The following VAT1L variants were observed in gnomAD, a reference collection of about 807,000 sequenced individuals.
VAT1L encodes putative NADPH-dependent quinone oxidoreductase VAT1L.
VAT1L carries 34 observed loss-of-function variants against 44.1 expected under a neutral mutation model. The observed-to-expected ratio is 0.77, with a 90% confidence interval of 0.59 to 1.03. The LOEUF (loss-of-function observed/expected upper bound fraction) is 1.03. Ranked by LOEUF, VAT1L falls within the 50% of genes least tolerant of loss-of-function variation. The pLI is 0.00. For synonymous variants in VAT1L, 253 were observed against 202.2 expected, an observed-to-expected ratio of 1.25 and a Z score of -2.13; for missense variants, 615 against 538.8, an observed-to-expected ratio of 1.14 and a Z score of -1.40.
chr16:77,837,407 C>T (rs1466588430), intron 3 of VAT1L, among the ~76,000 whole-genome samples: 1 of 152,148 alleles, frequency 6.6e-6, no homozygotes, highest in Non-Finnish European at 1.5e-5. Context: ...CAAGCTGCTG[C>T]ATCTATGAAA....
chr16:77,883,954 G>C (rs946715170), intron 6 of VAT1L, among the ~76,000 whole-genome samples: 1 of 152,044 alleles, frequency 6.6e-6, no homozygotes, highest in African/African-American at 2.4e-5. Context: ...ACCATTCACT[G>C]AGCCAAGTGC....
intron 7 of VAT1L, among the ~76,000 whole-genome samples, chr16:77,920,518 A>G (rs1489485355): frequency 2.0e-5 from 3 of 152,218 alleles, no homozygotes; most frequent in African/African-American, 7.2e-5. Flanking sequence ...AAGACTGAAT[A>G]TCGAAATATG....
chr16:77,928,282 A>C (rs1473304908), intron 7 of VAT1L, among the ~76,000 whole-genome samples: 2 of 152,142 alleles, frequency 1.3e-5, no homozygotes, highest in Non-Finnish European at 2.9e-5. Flanking sequence ...GTGTGTGTGG[A>C]GAATGCTAAA....
At chr16:77,855,258 C>T (rs1489065997) in intron 3 of VAT1L, among the ~76,000 whole-genome samples, 5 of 151,064 alleles carry the variant, frequency 3.3e-5, no homozygotes, top group African/African-American at 9.8e-5. Context: ...GAGAATCGCT[C>T]GAACCCGGGA....
intron 2 of VAT1L, among the ~76,000 whole-genome samples, chr16:77,822,806 G>T (rs1332426878): frequency 6.6e-6 from 1 of 152,134 alleles, no homozygotes; most frequent in Non-Finnish European, 1.5e-5. Flanking sequence ...TCTTGTTGCT[G>T]TCACGAGAGC....
intron 7 of VAT1L, among the ~76,000 whole-genome samples, chr16:77,970,111 C>T (rs2018263769): frequency 6.7e-6 from 1 of 150,026 alleles, no homozygotes. Flanking sequence ...TGACGCTTGC[C>T]AGTAATCCTA....
At chr16:77,971,473 G>A (rs2018277279) in intron 7 of VAT1L, among the ~76,000 whole-genome samples, 1 of 152,064 alleles carries the variant, frequency 6.6e-6, no homozygotes, top group South Asian at 2.1e-4. Flanking sequence ...AAGTAAGCAG[G>A]GCACAAATGA....
chr16:77,875,554 T>C (rs187720666), intron 4 of VAT1L, among the ~76,000 whole-genome samples: 93 of 152,290 alleles, frequency 6.1e-4, no homozygotes, highest in Non-Finnish European at 1.0e-3. Flanking sequence ...CCTGTATATG[T>C]TCTAAGAGTG....
Position 77,971,894 on chromosome 16 carries a change from C to A in VAT1L, c.1122C>A (p.Gly374=). 1 of 1,613,872 alleles carries A rather than the reference C, an allele frequency of 6.2e-7. No homozygotes were observed. Among genetic ancestry groups the A allele is most frequent in the Non-Finnish European group, 8.5e-7 (1 of 1,179,878 alleles). The change falls in exon 8 of 9, where the codon GGC becomes GGA. Residue 374 remains glycine, a synonymous_variant. Coordinates refer to ENST00000302536, the MANE Select transcript of VAT1L (RefSeq NM_020927.3). ...GGATTCACGACCGAGGGAACATTGG[C>A]AAGTTAATTCTGGATGTAGAAAAGA... The part of the protein sequence containing the change: ...MQRIHDRGNI[G]KLILDVEKTP...
At chr16:77,889,500 C>G (rs1244771332) in intron 7 of VAT1L, among the ~76,000 whole-genome samples, 2 of 152,082 alleles carry the variant, frequency 1.3e-5, no homozygotes, top group East Asian at 1.9e-4. Context: ...TGTGCTAATC[C>G]TCTTTTAGGA....
At chr16:77,934,439 A>G (rs192774259) in intron 7 of VAT1L, among the ~76,000 whole-genome samples, 4 of 152,256 alleles carry the variant, frequency 2.6e-5, no homozygotes, top group Admixed American at 2.6e-4. Context: ...CAAGGAATGC[A>G]AGCAGAATCC....
chr16:77,882,362 T>C (rs1269729784), intron 6 of VAT1L: 1 of 152,232 alleles, frequency 6.6e-6, no homozygotes, highest in East Asian at 1.9e-4. Flanking sequence ...ATGATACTAA[T>C]AGAAGAAGTT....
At chr16:77,814,018 A>C (rs1026176922) in intron 1 of VAT1L, among the ~76,000 whole-genome samples, 1 of 152,294 alleles carries the variant, frequency 6.6e-6, no homozygotes, top group East Asian at 1.9e-4. Flanking sequence ...TCAGATCCTG[A>C]CTTTGACACT....
Position 77,930,093 on chromosome 16 carries a change from C to A in VAT1L, c.1078-41757C>A, listed in dbSNP as rs561266086. Among the ~76,000 whole-genome samples the A allele has an allele frequency of 3.3e-5, 5 of 152,326 alleles. No individual in the cohort carries two copies. The East Asian group carries it at 7.7e-4, about 24-fold the overall frequency. ...CTTTTAGAAGGACCTACCTTCCAGC[C>A]CAAACTTCGTATCCTTCTTGAAACA... On this transcript the variant is annotated intron_variant, in intron 7 of 8. Coordinates refer to ENST00000302536, the MANE Select transcript of VAT1L (RefSeq NM_020927.3).
chr16:77,908,436 G>C (rs8057343), intron 7 of VAT1L, among the ~76,000 whole-genome samples: 110,596 of 131,620 alleles, frequency 0.84, 46,704 homozygotes, highest in South Asian at 0.96. Flanking sequence ...TGCCCTCCAG[G>C]CTGGGGGACA....
At chr16:77,954,726 G>T in intron 7 of VAT1L, among the ~76,000 whole-genome samples, 1 of 152,184 alleles carries the variant, frequency 6.6e-6, no homozygotes, top group South Asian at 2.1e-4. Flanking sequence ...AGTCACCCAA[G>T]CACGATGCCT....
chr16:77,965,379 C>T (rs2018212175), intron 7 of VAT1L, among the ~76,000 whole-genome samples: 1 of 152,174 alleles, frequency 6.6e-6, no homozygotes, highest in Admixed American at 6.5e-5. Flanking sequence ...CCCACTGCCT[C>T]CTGCCACCAT....
chr16:77,871,684 A>G (rs934679944), intron 4 of VAT1L, among the ~76,000 whole-genome samples: 12 of 152,178 alleles, frequency 7.9e-5, no homozygotes, highest in African/African-American at 2.4e-4. Context: ...CCCCAGAGTC[A>G]GAGGATTGGC....
At chr16:77,964,191 CA>C (rs1457903061) in intron 7 of VAT1L, among the ~76,000 whole-genome samples, 1 of 152,156 alleles carries the variant, frequency 6.6e-6, no homozygotes, top group Non-Finnish European at 1.5e-5. Flanking sequence ...TCCTGCTCTT[CA>C]GGTCTCACCC....
Sources: gnomAD v4.1 joint callset for allele counts (sites outside exome capture counted in the v4.1 genomes callset) on GRCh38, gnomAD v4.1.1 for gene constraint, MANE v1.5 for transcripts, NCBI Gene and HGNC (gene_info 2026-07-23, HGNC 2026-07-21) for gene names.